The following MAEA variants were observed in gnomAD, a reference collection of about 807,000 sequenced individuals.
The protein encoded by MAEA is E3 ubiquitin-protein transferase MAEA.
Under a neutral mutation model 46.2 loss-of-function variants are expected in MAEA, and 22 were observed. The observed-to-expected ratio is 0.48, with a 90% CI of 0.34 to 0.68. The LOEUF (loss-of-function observed/expected upper bound fraction) is 0.68, where lower values mean the gene tolerates loss of function less well. Ranked by LOEUF, MAEA falls within the 30% of genes least tolerant of loss-of-function variation. MAEA has a pLI of 0.01. For synonymous variants in MAEA, 246 were observed against 222.6 expected (o/e 1.11, Z -0.94); for missense variants, 393 against 558.1 (o/e 0.70, Z 2.98).
intron 3 of MAEA, among the ~76,000 whole-genome samples, chr4:1,320,900 A>G (rs1320658640): frequency 6.6e-6 from 1 of 152,220 alleles, no homozygotes; most frequent in African/African-American, 2.4e-5. Flanking sequence ...GGAGATCGAG[A>G]CCATCCTGGC....
chr4:1,312,209 C>G (rs1249137237), intron 2 of MAEA, 48 bp downstream of exon 2: 6 of 1,606,092 alleles, frequency 3.7e-6, no homozygotes, highest in African/African-American at 1.3e-5. Flanking sequence ...ATGGACACCC[C>G]TTTTGTCTCG....
At position 1,329,734 on chromosome 4, in the gene MAEA, T is replaced by G. The variant is rs975746131; in HGVS notation, c.656+2031T>G. ...AGGTGGGGCATCGGCAGGACGTTTG[T>G]GGGGTGAGGGAGTGCGGGTGTTTGG... On this transcript the variant is annotated intron_variant, in intron 5 of 8. Transcript: ENST00000303400. 3.0e-6 allele frequency: 3 copies of G among 985,330 alleles called. No individual in the cohort carries two copies. The African/African-American group carries it at 5.3e-5, about 17-fold the overall frequency. The allele number at this position is 985,330 out of a possible 1,614,324, so 61.0% of individuals were successfully genotyped here. A position where few individuals can be genotyped will look rare whatever the true frequency, so the allele number is the denominator to read the frequency against.
intron 5 of MAEA, chr4:1,330,251 T>C: frequency 3.7e-6 from 2 of 534,100 alleles, no homozygotes; most frequent in Non-Finnish European, 4.8e-6. Flanking sequence ...GTGCCGTCTG[T>C]CGCACACCCA....
At chr4:1,305,710 C>T (rs1235715194) in intron 1 of MAEA, among the ~76,000 whole-genome samples, 1 of 152,150 alleles carries the variant, frequency 6.6e-6, no homozygotes, top group Non-Finnish European at 1.5e-5. Context: ...GCCAGTGGCA[C>T]CCACATGTGT....
chr4:1,314,381 A>C (rs910115967), intron 2 of MAEA, among the ~76,000 whole-genome samples: 2 of 131,198 alleles, frequency 1.5e-5, no homozygotes, highest in Non-Finnish European at 3.7e-5. Flanking sequence ...GGGAAATATA[A>C]TAACCAAAAA....
chr4:1,328,518 G>C (rs942222901), intron 5 of MAEA: 2 of 758,726 alleles, frequency 2.6e-6, no homozygotes, highest in African/African-American at 3.7e-5. Flanking sequence ...TGTGTGGGGT[G>C]TGTGGGCCTG....
chr4:1,309,128 C>T (rs1034814958), intron 1 of MAEA, among the ~76,000 whole-genome samples: 3 of 152,144 alleles, frequency 2.0e-5, no homozygotes, highest in Non-Finnish European at 2.9e-5. Flanking sequence ...TCTTTGTCCA[C>T]GGATTTATTG....
intron 6 of MAEA, among the ~76,000 whole-genome samples, chr4:1,333,219 A>G (rs1453815489): frequency 6.6e-6 from 1 of 151,778 alleles, no homozygotes; most frequent in African/African-American, 2.4e-5. Context: ...GCACCTGCCT[A>G]TAGTCCAGCT....
At chr4:1,304,110 T>C (rs1351139927) in intron 1 of MAEA, among the ~76,000 whole-genome samples, 1 of 152,182 alleles carries the variant, frequency 6.6e-6, no homozygotes, top group African/African-American at 2.4e-5. Flanking sequence ...CTGTCAGTCG[T>C]GTGGCTCCAG....
At chr4:1,329,064 G>A in intron 5 of MAEA, 11 of 985,786 alleles carry the variant, frequency 1.1e-5, no homozygotes, top group Non-Finnish European at 1.3e-5. Context: ...TCCCGAGTCA[G>A]CCTCCGTCTC....
chr4:1,305,559 A>T (rs1735746482), intron 1 of MAEA, among the ~76,000 whole-genome samples: 1 of 152,136 alleles, frequency 6.6e-6, no homozygotes, highest in Non-Finnish European at 1.5e-5. Flanking sequence ...TTACCTTTTA[A>T]AGAACTAAGC....
chr4:1,321,677 C>A (rs558629501), intron 3 of MAEA, among the ~76,000 whole-genome samples: 1 of 152,064 alleles, frequency 6.6e-6, no homozygotes, highest in African/African-American at 2.4e-5. Context: ...TGGGGAAGGT[C>A]GGGAGTCATT....
intron 3 of MAEA, among the ~76,000 whole-genome samples, chr4:1,318,780 G>A (rs1282775460): frequency 6.6e-6 from 1 of 152,166 alleles, no homozygotes; most frequent in Non-Finnish European, 1.5e-5. Flanking sequence ...ATTCCCACGT[G>A]GGACCCCAGT....
At position 1,338,391 on chromosome 4, in the gene MAEA, G is replaced by T. The variant is rs1553872005; in HGVS notation, c.900-31G>T. The T allele has an allele frequency of 4.0e-5, 64 of 1,583,848 alleles. No homozygotes were observed. In the South Asian group the frequency reaches 6.9e-4, roughly 17 times the overall value. On this transcript the variant is annotated intron_variant, in intron 7 of 8. Transcript: ENST00000303400. ...GGGCTCACCCCGGCTGCCCTGAGTGGCCCCCAACCCTTCCTTGACCCGATG... is the reference window on the plus strand; with the variant it reads ...GGGCTCACCCCGGCTGCCCTGAGTGTCCCCCAACCCTTCCTTGACCCGATG...
chr4:1,291,144 T>G lies in MAEA; in HGVS notation c.69+1162T>G, dbSNP rs1055771657. Among the ~76,000 whole-genome samples, 10 of 152,308 alleles carry G rather than the reference T, an allele frequency of 6.6e-5. No individual in the cohort carries two copies. The South Asian group carries it at 8.3e-4, about 13-fold the overall frequency. On this transcript the variant is annotated intron_variant, in intron 1 of 8. Coordinates refer to ENST00000303400, the MANE Select transcript of MAEA (RefSeq NM_001017405.3). ...GAAAGCAGAAGCAAGCTTCTCCTCCTCTTTATTAACTAGCGGTTTATTTCA... is the reference window on the plus strand; with the variant it reads ...GAAAGCAGAAGCAAGCTTCTCCTCCGCTTTATTAACTAGCGGTTTATTTCA...
intron 5 of MAEA, chr4:1,332,031 C>CG (rs1479856634): frequency 3.3e-5 from 5 of 152,694 alleles, no homozygotes; most frequent in Admixed American, 3.3e-4. Flanking sequence ...GGCTGTTCTT[C>CG]GGAAGGTTGT....
chr4:1,295,780 C>CTCTGCCCCCCTCACCT (rs1254123593), intron 1 of MAEA, among the ~76,000 whole-genome samples: 5 of 87,254 alleles, frequency 5.7e-5, no homozygotes, highest in African/African-American at 2.0e-4. Context: ...CCCCCTCACC[C>CTCTGCCCCCCTCACCT]GCGCCTGTGC....
At position 1,323,440 on chromosome 4, in the gene MAEA, T is replaced by G. The variant is rs1453045910; in HGVS notation, c.579+937T>G. Reference sequence around the variant, plus strand: ...AGCGCTGCTTTAACCTCACCCTGGCTGAGTTTGGCAGGGTGCACGCAGTTA... The same window carrying G: ...AGCGCTGCTTTAACCTCACCCTGGCGGAGTTTGGCAGGGTGCACGCAGTTA... On this transcript the variant is annotated intron_variant, in intron 4 of 8. Coordinates refer to ENST00000303400, the MANE Select transcript of MAEA (RefSeq NM_001017405.3). 6 of 701,760 alleles carry G rather than the reference T, an allele frequency of 8.5e-6. No homozygotes were observed. In the Admixed American group the frequency reaches 1.2e-4, roughly 14 times the overall value. 43.5% of individuals were successfully genotyped at this position (701,760 alleles called of 1,614,324 possible). A position where few individuals can be genotyped will look rare whatever the true frequency, so the allele number is the denominator to read the frequency against.
intron 3 of MAEA, among the ~76,000 whole-genome samples, chr4:1,317,076 CCCCGGCCCCCACACTCCACACTCA>C: frequency 8.3e-6 from 1 of 121,052 alleles, no homozygotes. Context: ...CCCAGGCCCA[CCCCGGCCCCCACACTCCACACTCA>C]CCTGCAGGCC....
Sources: gnomAD v4.1 joint callset for allele counts (sites outside exome capture counted in the v4.1 genomes callset) on GRCh38, gnomAD v4.1.1 for gene constraint, MANE v1.5 for transcripts, NCBI Gene and HGNC (gene_info 2026-07-23, HGNC 2026-07-21) for gene names.